NUGGC: variants seen among roughly 807,000 people sequenced by gnomAD.
The protein encoded by NUGGC is nuclear GTPase SLIP-GC.
In NUGGC, 58 loss-of-function variants were observed where a neutral mutation model predicts 92.6. The observed-to-expected ratio is 0.63, with a 90% CI of 0.51 to 0.78. The LOEUF is 0.78. Ranked by LOEUF, NUGGC falls within the 30% of genes least tolerant of loss-of-function variation. The pLI is 0.00. For missense variants in NUGGC, 925 were observed against 964.6 expected, an observed-to-expected ratio of 0.96 and a Z score of 0.54; for synonymous variants, 376 against 366.4, an observed-to-expected ratio of 1.03 and a Z score of -0.30.
chr8:28,026,053 C>T (rs1413866532), intron 18 of NUGGC, among the ~76,000 whole-genome samples: 1 of 152,204 alleles, frequency 6.6e-6, no homozygotes, highest in African/African-American at 2.4e-5. Flanking sequence ...ACTCACTTTG[C>T]TGTTTTCCAC....
In NUGGC at chr8:28,055,945, A is replaced by C; in HGVS notation, c.1206+20T>G. On this transcript the variant is annotated intron_variant, in intron 10 of 18. Transcript: ENST00000413272. ...GTTGCTGGGATACAGAAAAACACAT[A>C]GAGAAACCTATTAACTCACCTTCAG... The C allele has an allele frequency of 4.5e-5, 59 of 1,319,730 alleles. No individual in the cohort carries two copies. Among genetic ancestry groups the C allele is most frequent in the Non-Finnish European group, 6.0e-5 (56 of 938,068 alleles). The allele number at this position is 1,319,730 out of a possible 1,614,324, so 81.8% of individuals were successfully genotyped here. A position where few individuals can be genotyped will look rare whatever the true frequency, so the allele number is the denominator to read the frequency against.
At chr8:28,072,742 G>C (rs560175366) in intron 2 of NUGGC, among the ~76,000 whole-genome samples, 1 of 152,154 alleles carries the variant, frequency 6.6e-6, no homozygotes, top group East Asian at 1.9e-4. Context: ...CCATACGAGG[G>C]TAGTATTTTT....
At chr8:28,051,934 C>CAAAAAAAAACAAAAA (rs1273050084) in intron 10 of NUGGC, among the ~76,000 whole-genome samples, 1 of 149,838 alleles carries the variant, frequency 6.7e-6, no homozygotes. Context: ...CAAAACAAAA[C>CAAAAAAAAACAAAAA]AAAAACAAAA....
chr8:28,079,413 G>A (rs34318290), intron 1 of NUGGC, among the ~76,000 whole-genome samples: 10 of 151,966 alleles, frequency 6.6e-5, no homozygotes, highest in East Asian at 1.9e-4. Context: ...GGTGGCACGC[G>A]CCTGTAATCC....
intron 13 of NUGGC, among the ~76,000 whole-genome samples, chr8:28,034,676 G>A (rs1482105517): frequency 6.6e-6 from 1 of 151,988 alleles, no homozygotes; most frequent in African/African-American, 2.4e-5. Flanking sequence ...AATTAGCCAG[G>A]CATGGTGGCA....
At chr8:28,042,198 C>T (rs117398324) in intron 12 of NUGGC, among the ~76,000 whole-genome samples, 1,733 of 152,282 alleles carry the variant, frequency 0.011, 9 homozygotes, top group Non-Finnish European at 0.015. Flanking sequence ...TACCCAGTCT[C>T]GGGTATGTCT....
Position 28,041,270 on chromosome 8 carries a change from T to C in NUGGC, c.1447-55A>G, listed in dbSNP as rs75489014. ...CCACCCCCTCCCTAAGGGCACCTTCTCCTGAAGCTTTGCTTTCTTTAAGCT... is the reference window on the plus strand; with the variant it reads ...CCACCCCCTCCCTAAGGGCACCTTCCCCTGAAGCTTTGCTTTCTTTAAGCT... On this transcript the variant is annotated intron_variant, in intron 12 of 18. Transcript: ENST00000413272. 2,053 of 1,529,032 alleles carry C rather than the reference T, an allele frequency of 1.3e-3. 23 individuals are homozygous for C. The African/African-American group carries it at 0.017, about 13-fold the overall frequency. The allele number at this position is 1,529,032 out of a possible 1,614,324, so 94.7% of individuals were successfully genotyped here. A position where few individuals can be genotyped will look rare whatever the true frequency, so the allele number is the denominator to read the frequency against.
chr8:28,067,884 G>A lies in NUGGC; in HGVS notation c.481-140C>T. On this transcript the variant is annotated intron_variant, in intron 5 of 18. Coordinates refer to ENST00000413272, the MANE Select transcript of NUGGC (RefSeq NM_001010906.2). ...TAGGTCATCTATCTGGGGTCTCGAAGAGGGGAATGGCTTGCCCAAAGTCTC... is the reference window on the plus strand; with the variant it reads ...TAGGTCATCTATCTGGGGTCTCGAAAAGGGGAATGGCTTGCCCAAAGTCTC... 4.4e-6 allele frequency: 3 copies of A among 683,616 alleles called. No individual in the cohort carries two copies. The South Asian group carries it at 5.7e-5, about 13-fold the overall frequency. 42.3% of individuals were successfully genotyped at this position (683,616 alleles called of 1,614,324 possible).
chr8:28,036,257 A>T (rs182997994), intron 13 of NUGGC, among the ~76,000 whole-genome samples: 2 of 152,188 alleles, frequency 1.3e-5, no homozygotes, highest in Non-Finnish European at 2.9e-5. Context: ...AAATAAGAAA[A>T]TAGGCATTAC....
chr8:28,048,158 G>A (rs1035897372), intron 10 of NUGGC, among the ~76,000 whole-genome samples: 28 of 152,152 alleles, frequency 1.8e-4, no homozygotes, highest in Admixed American at 6.5e-5. Context: ...AATAATTCCA[G>A]CTGACATGTG....
chr8:28,026,858 A>AT, intron 18 of NUGGC, 104 bp downstream of exon 18: 1 of 798,560 alleles, frequency 1.3e-6, no homozygotes, highest in Non-Finnish European at 2.2e-6. Flanking sequence ...TCCTAACTTA[A>AT]ATTCCTAAAA....
chr8:28,032,482 C>T (rs1329162742), intron 14 of NUGGC, among the ~76,000 whole-genome samples: 3 of 151,616 alleles, frequency 2.0e-5, no homozygotes, highest in Non-Finnish European at 4.4e-5. Flanking sequence ...CTTTGGGAGG[C>T]CGAGGCGGGC....
chr8:28,031,893 GCT>G (rs1461672831), intron 14 of NUGGC, among the ~76,000 whole-genome samples: 1 of 152,248 alleles, frequency 6.6e-6, no homozygotes, highest in Non-Finnish European at 1.5e-5. Flanking sequence ...TTAAATCCTA[GCT>G]CTCTGCTCAT....
Position 28,077,657 on chromosome 8 carries a change from A to G in NUGGC, c.-46-3201T>C, listed in dbSNP as rs529942588. Among the ~76,000 whole-genome samples the G allele has an allele frequency of 1.4e-4, 21 of 152,354 alleles. No homozygotes were observed. In the South Asian group the frequency reaches 3.3e-3, roughly 24 times the overall value. On this transcript the variant is annotated intron_variant, in intron 1 of 18. Transcript: ENST00000413272. ...GAGAGCAGCTTAAGGAGTAACTCGT[A>G]TGAAATGCTAGGCATCATATTATCA...
rs770351510 is a variant in NUGGC, at chr8:28,029,763, A to G, written c.2018-361T>C. Among the ~76,000 whole-genome samples the G allele has an allele frequency of 4.8e-4, 73 of 152,092 alleles. 1 individual carries two copies. The highest frequency in any genetic ancestry group is 1.3e-4 in the Non-Finnish European group (9 of 68,030). On this transcript the variant is annotated intron_variant, in intron 16 of 18. Transcript: ENST00000413272. ...AGACTCCATCTCAAAAAAACAAACA[A>G]AAAAAGAAACCTTTGGCCTTAGAAA...
chr8:28,039,987 T>C (rs1194991730), intron 13 of NUGGC, among the ~76,000 whole-genome samples: 1 of 151,874 alleles, frequency 6.6e-6, no homozygotes, highest in Non-Finnish European at 1.5e-5. Context: ...ATCCCAGGAG[T>C]GTGCGTGCTC....
At chr8:28,063,382 G>A (rs1487246699) in intron 7 of NUGGC, among the ~76,000 whole-genome samples, 3 of 152,212 alleles carry the variant, frequency 2.0e-5, no homozygotes, top group Non-Finnish European at 4.4e-5. Context: ...GGCCCTGGCA[G>A]CCTTCCTGGG....
chr8:28,060,851 T>C (rs12549429), intron 7 of NUGGC, among the ~76,000 whole-genome samples: 18,931 of 152,156 alleles, frequency 0.12, 1,496 homozygotes, highest in East Asian at 0.32. Flanking sequence ...CTCTCGGGCA[T>C]TGGGCTGGCC....
At position 28,030,348 on chromosome 8, in the gene NUGGC, G is replaced by T. The variant is rs769978070; in HGVS notation, c.1979C>A (p.Thr660Asn). The change falls in exon 16 of 19, where the codon ACT (threonine) becomes AAT (asparagine). Residue 660 changes from threonine to asparagine, a missense_variant. Physicochemically the swap from Thr to Asn is moderately conservative, Grantham distance 65. Coordinates refer to ENST00000413272, the MANE Select transcript of NUGGC (RefSeq NM_001010906.2). ...RRKRRIYESL[T>N]ASVQSDLKLC... The stretch of plus-strand genomic sequence containing the variant: ...CTTCAGGTCACTCTGGACAGAGGCA[G>T]TGAGGGACTCGTAGATCCTCCTCTT... 45 of 1,580,014 alleles carry T rather than the reference G, an allele frequency of 2.8e-5. No individual in the cohort carries two copies. The highest frequency in any genetic ancestry group is 4.3e-6 in the Non-Finnish European group (5 of 1,161,508).
Sources: allele counts gnomAD v4.1 joint callset (sites outside exome capture counted in the v4.1 genomes callset), GRCh38; gene constraint gnomAD v4.1.1; transcripts MANE v1.5; gene names NCBI Gene and HGNC (gene_info 2026-07-23, HGNC 2026-07-21).